The following DIP2B variants were observed in gnomAD, a reference collection of about 807,000 sequenced individuals.
DIP2B encodes DIP2 acetate--CoA ligase B (putative).
A neutral mutation model predicts 198.0 loss-of-function variants in DIP2B; 76 were observed. The ratio of observed to expected loss-of-function variants is 0.38; its 90% CI spans 0.32 to 0.46. The LOEUF (loss-of-function observed/expected upper bound fraction) is 0.46, where lower values mean the gene tolerates loss of function less well. DIP2B is among the 20% of genes least tolerant of loss of function. The pLI, the probability that DIP2B is intolerant of heterozygous loss-of-function variation, is 0.99. For synonymous variants in DIP2B, 701 were observed against 739.1 expected (o/e 0.95, Z 0.84); for missense variants, 1,559 against 1,978.4 (o/e 0.79, Z 4.02).
intron 2 of DIP2B, among the ~76,000 whole-genome samples, chr12:50,630,530 G>C (rs962800863): frequency 8.6e-5 from 13 of 151,830 alleles, no homozygotes; most frequent in Non-Finnish European, 1.2e-4. Context: ...AACTGTGTTT[G>C]TCCCTATGGT....
chr12:50,511,837 A>G (rs1481758266), intron 1 of DIP2B, among the ~76,000 whole-genome samples: 3 of 150,252 alleles, frequency 2.0e-5, no homozygotes, highest in African/African-American at 4.9e-5. Flanking sequence ...AGTCCCAGCT[A>G]CTCGGGAAGC....
chr12:50,743,053 A>T (rs1940281870), intron 37 of DIP2B, among the ~76,000 whole-genome samples: 1 of 152,046 alleles, frequency 6.6e-6, no homozygotes, highest in Non-Finnish European at 1.5e-5. Flanking sequence ...TCTTAATGGA[A>T]CCAAATATTG....
intron 3 of DIP2B, among the ~76,000 whole-genome samples, chr12:50,652,590 G>A (rs1424641713): frequency 6.6e-6 from 1 of 151,834 alleles, no homozygotes; most frequent in Non-Finnish European, 1.5e-5. Context: ...ATATTATTTT[G>A]GCTATTTGGA....
intron 14 of DIP2B, among the ~76,000 whole-genome samples, chr12:50,694,049 T>C (rs1224351203): frequency 1.3e-5 from 2 of 152,076 alleles, no homozygotes; most frequent in Non-Finnish European, 2.9e-5. Flanking sequence ...AATTAACAGA[T>C]GTAGGCAGGA....
At chr12:50,506,516 C>G (rs1162051474) in intron 1 of DIP2B, among the ~76,000 whole-genome samples, 2 of 152,178 alleles carry the variant, frequency 1.3e-5, no homozygotes, top group Non-Finnish European at 2.9e-5. Flanking sequence ...TTTAATAACC[C>G]AATGTGTAGG....
At chr12:50,682,879 G>A (rs1031406906) in intron 9 of DIP2B, among the ~76,000 whole-genome samples, 3 of 152,160 alleles carry the variant, frequency 2.0e-5, no homozygotes, top group Non-Finnish European at 4.4e-5. Flanking sequence ...ATCACCAAAA[G>A]GATTAAGTGA....
At chr12:50,664,357 A>T (rs1351271001) in intron 4 of DIP2B, among the ~76,000 whole-genome samples, 2 of 152,186 alleles carry the variant, frequency 1.3e-5, no homozygotes, top group African/African-American at 4.8e-5. Flanking sequence ...AATTATGTAC[A>T]CTAATTTCTA....
intron 8 of DIP2B, chr12:50,679,914 A>G (rs1939009011): frequency 6.6e-6 from 1 of 152,172 alleles, no homozygotes; most frequent in Admixed American, 6.5e-5. Flanking sequence ...CACCTATGTA[A>G]GTGGTTTTTC....
chr12:50,657,734 A>G (rs1938579306), intron 3 of DIP2B, among the ~76,000 whole-genome samples: 1 of 152,236 alleles, frequency 6.6e-6, no homozygotes, highest in African/African-American at 2.4e-5. Context: ...AAATTAAAGA[A>G]CATTTTACAA....
rs187985064 is a variant in DIP2B, at chr12:50,635,036, C to T, written c.173-5688C>T. Among the ~76,000 whole-genome samples, 44 of 152,262 alleles carry T rather than the reference C, an allele frequency of 2.9e-4. 1 individual carries two copies. Among genetic ancestry groups the T allele is most frequent in the African/African-American group, 9.9e-4 (41 of 41,544 alleles). ...CCTCAAGAGGCTGTGCAGAGTATAT[C>T]AATTCTCAAATGATATTCTAGCATT... is the stretch of plus-strand genomic sequence containing the variant. On this transcript the variant is annotated intron_variant, in intron 2 of 37. Coordinates refer to ENST00000301180, the MANE Select transcript of DIP2B (RefSeq NM_173602.3).
intron 2 of DIP2B, among the ~76,000 whole-genome samples, chr12:50,626,812 A>G (rs1284047145): frequency 6.7e-6 from 1 of 148,522 alleles, no homozygotes; most frequent in Non-Finnish European, 1.5e-5. Flanking sequence ...AAATACCATG[A>G]GGACTTTGTA....
chr12:50,672,018 A>G (rs1380439140), intron 5 of DIP2B, among the ~76,000 whole-genome samples: 1 of 152,208 alleles, frequency 6.6e-6, no homozygotes, highest in Non-Finnish European at 1.5e-5. Flanking sequence ...TGACATCTGC[A>G]GATAAAGATA....
At chr12:50,714,743 C>T (rs1375587204) in intron 23 of DIP2B, 147 bp downstream of exon 23, 6 of 914,546 alleles carry the variant, frequency 6.6e-6, no homozygotes, top group East Asian at 2.6e-5. Context: ...AGCTCGAAAA[C>T]AGCCTGGGCG....
At chr12:50,595,032 T>C (rs937985766) in intron 1 of DIP2B, among the ~76,000 whole-genome samples, 4 of 152,226 alleles carry the variant, frequency 2.6e-5, no homozygotes, top group Non-Finnish European at 4.4e-5. Context: ...GAAAGAAATA[T>C]CTACTTTGAA....
At position 50,696,038 on chromosome 12, in the gene DIP2B, T is replaced by G. The variant is rs544577201; in HGVS notation, c.1933+71T>G. 6 of 1,591,468 alleles carry G rather than the reference T, an allele frequency of 3.8e-6. No homozygotes were observed. The East Asian group carries it at 1.1e-4, about 30-fold the overall frequency. ...TAGATTAGGGTTTTTCGCCCTGTAC[T>G]AAGATATAATTCACATACTGAAAAA... On this transcript the variant is annotated intron_variant, in intron 16 of 37. Transcript: ENST00000301180.
chr12:50,580,373 A>G (rs1958713297), intron 1 of DIP2B, among the ~76,000 whole-genome samples: 1 of 148,456 alleles, frequency 6.7e-6, no homozygotes, highest in Non-Finnish European at 1.5e-5. Flanking sequence ...CCTTATGAGT[A>G]CTCCAGATGC....
Position 50,727,695 on chromosome 12 carries a change from C to T in DIP2B, c.3401-8C>T, listed in dbSNP as rs769005574. 34 of 1,611,402 alleles carry T rather than the reference C, an allele frequency of 2.1e-5. No homozygotes were observed. The highest frequency in any genetic ancestry group is 3.3e-4 in the Middle Eastern group (2 of 6,072). ...GGATTGACATCAGGTTTTTTCTTTT[C>T]ATGGCAGATGATTTACCCAGGAAAA... On this transcript the variant is annotated splice_region_variant and splice_polypyrimidine_tract_variant and intron_variant, in intron 28 of 37. Coordinates refer to ENST00000301180, the MANE Select transcript of DIP2B (RefSeq NM_173602.3).
chr12:50,524,108 T>TCA (rs1199063580), intron 1 of DIP2B, among the ~76,000 whole-genome samples: 1 of 152,196 alleles, frequency 6.6e-6, no homozygotes, highest in Non-Finnish European at 1.5e-5. Flanking sequence ...TTCCTCTCCT[T>TCA]CAGGCCACCT....
chr12:50,519,667 G>T (rs1004074992), intron 1 of DIP2B, among the ~76,000 whole-genome samples: 2 of 152,064 alleles, frequency 1.3e-5, no homozygotes, highest in Non-Finnish European at 2.9e-5. Context: ...ATTGATTCTG[G>T]GTTGTACTTA....
Sources: allele counts gnomAD v4.1 joint callset (sites outside exome capture counted in the v4.1 genomes callset), GRCh38; gene constraint gnomAD v4.1.1; transcripts MANE v1.5; gene names NCBI Gene and HGNC (gene_info 2026-07-23, HGNC 2026-07-21).